POU6F2: variants seen among roughly 807,000 people sequenced by gnomAD.
The protein encoded by POU6F2 is POU class 6 homeobox 2.
POU6F2 carries 31 observed loss-of-function variants against 71.3 expected under a neutral mutation model. The ratio of observed to expected loss-of-function variants is 0.43; its 90% CI spans 0.33 to 0.59. The LOEUF (loss-of-function observed/expected upper bound fraction) is 0.59. POU6F2 is among the 20% of genes least tolerant of loss of function. The pLI is 0.04. For missense variants in POU6F2, 783 were observed against 856.8 expected, an observed-to-expected ratio of 0.91 and a Z score of 1.07; for synonymous variants, 347 against 355.7, an observed-to-expected ratio of 0.98 and a Z score of 0.27.
intron 2 of POU6F2, among the ~76,000 whole-genome samples, chr7:39,109,977 A>T (rs1438223885): frequency 6.6e-6 from 1 of 152,204 alleles, no homozygotes; most frequent in Non-Finnish European, 1.5e-5. Context: ...TTAAGAATTA[A>T]ATTATATAAT....
At chr7:39,374,072 G>A (rs1051616866) in intron 5 of POU6F2, among the ~76,000 whole-genome samples, 11 of 152,104 alleles carry the variant, frequency 7.2e-5, no homozygotes, top group Non-Finnish European at 1.5e-4. Context: ...AATATTTCCT[G>A]TAAATATTGG....
chr7:39,293,878 G>GAGTTTCATGCCATCATC (rs1784805903), intron 4 of POU6F2, among the ~76,000 whole-genome samples: 1 of 152,184 alleles, frequency 6.6e-6, no homozygotes, highest in Admixed American at 6.5e-5. Context: ...GGGAAACTGA[G>GAGTTTCATGCCATCATC]AGGCATGAAA....
rs551729092 is a variant in POU6F2 at position 39,331,508 on chromosome 7, TTTG to T, written c.599-8122_599-8120del. Among the ~76,000 whole-genome samples, 401 of 152,168 alleles carry T rather than the reference TTTG, an allele frequency of 2.6e-3. 2 individuals are homozygous for T. The highest frequency in any genetic ancestry group is 4.1e-3 in the Non-Finnish European group (280 of 67,982). On this transcript the variant is annotated intron_variant, in intron 4 of 9. Coordinates refer to ENST00000518318, the MANE Select transcript of POU6F2 (RefSeq NM_001370959.1). ...TCACTCCGGTTTTGTTTTGTTTTGT[TTTG>T]TTGTTGTTGTTTTTGAAATGGAGTC... is the stretch of plus-strand genomic sequence containing the variant.
intron 6 of POU6F2, among the ~76,000 whole-genome samples, 157 bp downstream of exon 6, chr7:39,406,897 G>A (rs566131462): frequency 1.3e-5 from 2 of 152,260 alleles, no homozygotes; most frequent in East Asian, 3.9e-4. Flanking sequence ...AGGGTTGGGA[G>A]GTGTTTCTAT....
chr7:39,178,661 A>G (rs1320304540), intron 2 of POU6F2, among the ~76,000 whole-genome samples: 1 of 152,174 alleles, frequency 6.6e-6, no homozygotes, highest in Non-Finnish European at 1.5e-5. Flanking sequence ...TCTCCACCCT[A>G]TGAACCAAGA....
intron 6 of POU6F2, among the ~76,000 whole-genome samples, chr7:39,413,662 C>T (rs1421012905): frequency 6.6e-6 from 1 of 152,062 alleles, no homozygotes; most frequent in Non-Finnish European, 1.5e-5. Flanking sequence ...GAACTATATA[C>T]TTCAAGTAGC....
intron 1 of POU6F2, among the ~76,000 whole-genome samples, chr7:39,068,490 C>T (rs1584526212): frequency 1.4e-5 from 2 of 146,642 alleles, no homozygotes; most frequent in African/African-American, 2.6e-5. Context: ...CTAGTACATG[C>T]ATATATATAT....
chr7:39,348,089 A>T (rs1219370196), intron 5 of POU6F2, among the ~76,000 whole-genome samples: 2 of 144,610 alleles, frequency 1.4e-5, no homozygotes, highest in African/African-American at 5.0e-5. Context: ...CAGTTGTTAC[A>T]TCTAAAACTT....
At chr7:39,169,054 T>C (rs530582889) in intron 2 of POU6F2, among the ~76,000 whole-genome samples, 1 of 152,322 alleles carries the variant, frequency 6.6e-6, no homozygotes, top group Admixed American at 6.5e-5. Flanking sequence ...AATCTTGCAT[T>C]GTGGAATTAA....
chr7:38,995,105 G>A (rs1788702116), intron 1 of POU6F2, among the ~76,000 whole-genome samples: 2 of 152,152 alleles, frequency 1.3e-5, no homozygotes, highest in Non-Finnish European at 2.9e-5. Context: ...AATTTCAGAG[G>A]TGTCTTCTTC....
chr7:39,021,951 A>G (rs1187943494), intron 1 of POU6F2, among the ~76,000 whole-genome samples: 1 of 152,010 alleles, frequency 6.6e-6, no homozygotes, highest in Non-Finnish European at 1.5e-5. Context: ...CTTCTTTTTT[A>G]CTACACATAT....
At chr7:39,378,418 A>G (rs547182871) in intron 5 of POU6F2, among the ~76,000 whole-genome samples, 87 of 152,136 alleles carry the variant, frequency 5.7e-4, no homozygotes, top group African/African-American at 2.0e-3. Flanking sequence ...CCTTCCTGAA[A>G]CTTTGGTGAA....
chr7:39,410,784 T>C (rs1562819807), intron 6 of POU6F2, among the ~76,000 whole-genome samples: 1 of 151,954 alleles, frequency 6.6e-6, no homozygotes, highest in Non-Finnish European at 1.5e-5. Context: ...TTGTTAAGAG[T>C]TTTGACTCAT....
At chr7:39,366,716 G>A (rs768665392) in intron 5 of POU6F2, among the ~76,000 whole-genome samples, 1 of 152,144 alleles carries the variant, frequency 6.6e-6, no homozygotes, top group Non-Finnish European at 1.5e-5. Context: ...CATAGTCTGA[G>A]AAGATATTGA....
intron 1 of POU6F2, among the ~76,000 whole-genome samples, chr7:39,009,692 G>A (rs1046258067): frequency 1.3e-4 from 20 of 152,110 alleles, no homozygotes; most frequent in Middle Eastern, 3.4e-3. Context: ...TTTGAAATAC[G>A]TCCCATCAAT....
Position 39,191,465 on chromosome 7 carries a change from T to TTAC in POU6F2, c.278-12769_278-12768insACT, listed in dbSNP as rs748888288. 7.7e-3 allele frequency among the ~76,000 whole-genome samples: 1,178 copies of TTAC among 152,314 alleles called. 5 individuals carry two copies. Among genetic ancestry groups the TTAC allele is most frequent in the South Asian group, 0.021 (99 of 4,824 alleles). Reference sequence around the variant, plus strand: ...CTCAAGAAGTAAATTTTTTAAGAATTTGGACTGAAAACCTGTAAGTTATAA... The same window carrying TTAC: ...CTCAAGAAGTAAATTTTTTAAGAATTTACTGGACTGAAAACCTGTAAGTTATAA... On this transcript the variant is annotated intron_variant, in intron 2 of 9. Transcript: ENST00000518318.
chr7:39,452,220 C>T (rs1214924317), intron 8 of POU6F2, among the ~76,000 whole-genome samples: 5 of 152,134 alleles, frequency 3.3e-5, no homozygotes, highest in Middle Eastern at 3.4e-3. Context: ...CTGCATGGGC[C>T]GGAATCAGAT....
chr7:39,171,979 CAGA>C (rs1793226519), intron 2 of POU6F2, among the ~76,000 whole-genome samples: 1 of 152,066 alleles, frequency 6.6e-6, no homozygotes, highest in Non-Finnish European at 1.5e-5. Flanking sequence ...GGGAGGAGAA[CAGA>C]GAGTCTGCAA....
chr7:39,087,101 C>G (rs1486126631), intron 2 of POU6F2, among the ~76,000 whole-genome samples: 1 of 150,416 alleles, frequency 6.6e-6, no homozygotes, highest in Non-Finnish European at 1.5e-5. Flanking sequence ...TAGACTACTA[C>G]TTTGTTAAGA....
Sources: allele counts gnomAD v4.1 joint callset (sites outside exome capture counted in the v4.1 genomes callset), GRCh38; gene constraint gnomAD v4.1.1; transcripts MANE v1.5; gene names NCBI Gene and HGNC (gene_info 2026-07-23, HGNC 2026-07-21).